AGO1: variants seen among roughly 807,000 people sequenced by gnomAD.
AGO1 encodes argonaute RISC component 1, also known as protein argonaute-1.
Under a neutral mutation model 109.2 loss-of-function variants are expected in AGO1, and 11 were observed. The observed-to-expected ratio is 0.10, with a 90% CI of 0.06 to 0.17. The LOEUF (loss-of-function observed/expected upper bound fraction) is 0.17. Ranked by LOEUF, AGO1 falls within the 10% of genes least tolerant of loss-of-function variation. The pLI is 1.00. For missense variants in AGO1, 574 were observed against 1,140.3 expected, an observed-to-expected ratio of 0.50 and a Z score of 7.15; for synonymous variants, 422 against 418.6, an observed-to-expected ratio of 1.01 and a Z score of -0.10.
At chr1:35,891,362 A>AG (rs1645214840) in intron 2 of AGO1, among the ~76,000 whole-genome samples, 1 of 152,142 alleles carries the variant, frequency 6.6e-6, no homozygotes, top group Non-Finnish European at 1.5e-5. Context: ...ATGGTAATGG[A>AG]GAAAAAATAG....
At position 35,926,944 on chromosome 1, in the gene AGO1, G is replaced by GTT. The variant is rs56299314; in HGVS notation, c.*7355_*7356dup. Reference sequence around the variant, plus strand: ...TCTTGGCAATGGTTTTTTGTTTGGGGTTTTTTTTTTTTTTTTTTTGGACAA... The same window carrying GTT: ...TCTTGGCAATGGTTTTTTGTTTGGGGTTTTTTTTTTTTTTTTTTTTTGGACAA... On this transcript the variant is annotated 3_prime_UTR_variant, in exon 19 of 19. Coordinates refer to ENST00000373204, the MANE Select transcript of AGO1 (RefSeq NM_012199.5). The GTT allele has an allele frequency of 9.7e-4, 122 of 125,276 alleles. No individual in the cohort carries two copies. The highest frequency in any genetic ancestry group is 3.0e-3 in the South Asian group (12 of 3,978). The allele number at this position is 125,276 out of a possible 1,614,324, so 7.8% of individuals were successfully genotyped here.
At chr1:35,873,202 C>T (rs1644967124) in intron 1 of AGO1, 1 of 152,090 alleles carries the variant, frequency 6.6e-6, no homozygotes, top group Non-Finnish European at 1.5e-5. Flanking sequence ...ATGCTGTTGA[C>T]CAGTATTTTA....
At chr1:35,882,745 C>T (rs1645050180), upstream of AGO1, 2 of 942,898 alleles carry the variant, frequency 2.1e-6, no homozygotes, top group African/African-American at 1.8e-5. The surrounding 1 kb of genome is among the most constrained non-coding windows in gnomAD (Gnocchi z 5.1). Flanking sequence ...TCAGTGAGTT[C>T]AGTGACTAGG....
Position 35,888,695 on chromosome 1 carries a change from A to C in AGO1, c.209+85A>C. 2 of 1,462,524 alleles carry C rather than the reference A, an allele frequency of 1.4e-6. No individual in the cohort carries two copies. The highest frequency in any genetic ancestry group is 1.8e-4 in the Middle Eastern group (1 of 5,502). The allele number at this position is 1,462,524 out of a possible 1,614,324, so 90.6% of individuals were successfully genotyped here. On this transcript the variant is annotated intron_variant, in intron 2 of 18. Coordinates refer to ENST00000373204, the MANE Select transcript of AGO1 (RefSeq NM_012199.5). This position sits in a 1 kb window ranked among gnomAD's most constrained non-coding sequence, Gnocchi z 4.1. ...AGAAAGGTAAAAGAAAAACCAGTAG[A>C]GGGTAGTATCACCAAATCTAAGGAA...
intron 15 of AGO1, among the ~76,000 whole-genome samples, chr1:35,916,580 C>G (rs1645739801): frequency 6.6e-6 from 1 of 152,190 alleles, no homozygotes; most frequent in South Asian, 2.1e-4. Context: ...GTCGGCCAGG[C>G]TGGTCTCAAA....
intron 6 of AGO1, 30 bp from the exon 7 acceptor site, chr1:35,894,285 T>C (rs183083851): frequency 2.5e-6 from 4 of 1,613,280 alleles, no homozygotes; most frequent in South Asian, 1.1e-5. Flanking sequence ...CAACCTATTT[T>C]AGCCCTGACA....
At chr1:35,902,124 T>C (rs1645428281) in intron 10 of AGO1, 54 bp downstream of exon 10, 1 of 1,584,860 alleles carries the variant, frequency 6.3e-7, no homozygotes, top group Non-Finnish European at 8.6e-7. Flanking sequence ...GTGGTTGGGT[T>C]GTATAGCCAG....
chr1:35,897,426 A>G (rs143200763), intron 8 of AGO1, among the ~76,000 whole-genome samples: 11 of 152,336 alleles, frequency 7.2e-5, no homozygotes, highest in African/African-American at 2.6e-4. Flanking sequence ...TATGGTGGCT[A>G]GAATGTATTG....
At chr1:35,916,278 T>C (rs1265939854) in intron 15 of AGO1, among the ~76,000 whole-genome samples, 1 of 152,226 alleles carries the variant, frequency 6.6e-6, no homozygotes, top group African/African-American at 2.4e-5. Context: ...TGATCTTTAA[T>C]GTCATCAAAG....
intron 12 of AGO1, among the ~76,000 whole-genome samples, chr1:35,910,500 A>AC (rs1645612411): frequency 2.0e-5 from 3 of 152,198 alleles, no homozygotes; most frequent in African/African-American, 7.2e-5. Flanking sequence ...CCAGTTCAGC[A>AC]GCAGAACCTT....
intron 12 of AGO1, among the ~76,000 whole-genome samples, chr1:35,913,482 G>T (rs768112862): frequency 6.6e-6 from 1 of 151,956 alleles, no homozygotes. Context: ...GTGCATTTTT[G>T]CATGTTGTTC....
chr1:35,913,324 C>T (rs1046119899), intron 12 of AGO1, among the ~76,000 whole-genome samples: 10 of 152,142 alleles, frequency 6.6e-5, no homozygotes, highest in East Asian at 1.9e-4. Context: ...TGGCGTTCAC[C>T]GGTCTTGTTA....
In AGO1 at chr1:35,893,354, A is replaced by T. The variant is rs1645256294; in HGVS notation, c.512+76A>T. ...CAGGGGAGGAGGGGGAGCACATATT[A>T]AGGTCCCACAGAGTGCCATTAAAAA... On this transcript the variant is annotated intron_variant, in intron 4 of 18. Transcript: ENST00000373204. The surrounding 1 kb of genome is among the most constrained non-coding windows in gnomAD (Gnocchi z 5.6). The T allele has an allele frequency of 1.3e-6, 2 of 1,490,926 alleles. No homozygotes were observed. Among genetic ancestry groups the T allele is most frequent in the Non-Finnish European group, 1.8e-6 (2 of 1,100,794 alleles). 92.4% of individuals were successfully genotyped at this position (1,490,926 alleles called of 1,614,324 possible).
intron 2 of AGO1, among the ~76,000 whole-genome samples, chr1:35,890,047 G>A (rs550253293): frequency 6.6e-6 from 1 of 150,382 alleles, no homozygotes; most frequent in African/African-American, 2.4e-5. Flanking sequence ...TTTTGAGACG[G>A]AGTTTCACTC....
chr1:35,896,561 T>C (rs620956), intron 8 of AGO1, among the ~76,000 whole-genome samples: 35,497 of 151,788 alleles, frequency 0.23, 6,835 homozygotes, highest in East Asian at 0.69. Context: ...GATGGGGTTT[T>C]GCCATGTTGG....
At position 35,925,853 on chromosome 1, in the gene AGO1, A is replaced by T. The variant is rs959688040; in HGVS notation, c.*6246A>T. 6.6e-6 allele frequency: 1 copy of T among 152,204 alleles called. No individual in the cohort carries two copies. The highest frequency in any genetic ancestry group is 2.4e-5 in the African/African-American group (1 of 41,426). The allele number at this position is 152,204 out of a possible 1,614,324, so 9.4% of individuals were successfully genotyped here. On this transcript the variant is annotated 3_prime_UTR_variant, in exon 19 of 19. Transcript: ENST00000373204. ...CATTGTTATTTCTATGCATGGGGGT[A>T]AGAAGGCTCAGAGAAGGATCCTGGC...
At position 35,907,032 on chromosome 1, in the gene AGO1, G is replaced by A; in HGVS notation, c.1495G>A (p.Val499Met). 3 of 1,614,130 alleles carry A rather than the reference G, an allele frequency of 1.9e-6. No individual in the cohort carries two copies. The highest frequency in any genetic ancestry group is 2.5e-6 in the Non-Finnish European group (3 of 1,180,026). Residue 499 changes from valine to methionine, a missense_variant, in exon 12 of 19, where the codon GTG (valine) becomes ATG (methionine). Coordinates refer to ENST00000373204, the MANE Select transcript of AGO1 (RefSeq NM_012199.5). ...CAAATATGCACAGGGGGCAGACAGC[G>A]TGGAGCCTATGTTCCGGCATCTCAA... The part of the protein sequence containing the change: ...FCKYAQGADS[V>M]EPMFRHLKNT...
chr1:35,884,698 A>G (rs1286001216), intron 1 of AGO1, among the ~76,000 whole-genome samples: 1 of 152,134 alleles, frequency 6.6e-6, no homozygotes, highest in Non-Finnish European at 1.5e-5. Context: ...GATAGCCTTA[A>G]CTTCTTATTT....
chr1:35,876,539 T>C (rs1250989205), intron 1 of AGO1, among the ~76,000 whole-genome samples: 1 of 152,206 alleles, frequency 6.6e-6, no homozygotes. Context: ...GTGCTGGGAT[T>C]ACAGGTGTGA....
Sources: gnomAD v4.1 joint callset for allele counts (sites outside exome capture counted in the v4.1 genomes callset) on GRCh38, gnomAD v4.1.1 for gene constraint, Gnocchi (gnomAD v3.1) non-coding constraint, MANE v1.5 for transcripts, NCBI Gene and HGNC (gene_info 2026-07-23, HGNC 2026-07-21) for gene names.